GRID2: variants seen among roughly 807,000 people sequenced by gnomAD.
GRID2 encodes the protein glutamate receptor ionotropic, delta-2.
In GRID2, 33 loss-of-function variants were observed where a neutral mutation model predicts 114.8. That is an observed-to-expected ratio of 0.29 (90% confidence interval 0.22 to 0.38). The LOEUF (loss-of-function observed/expected upper bound fraction) is 0.38, where lower values mean the gene tolerates loss of function less well. GRID2 is among the 10% of genes least tolerant of loss of function. The pLI is 1.00. For synonymous variants in GRID2, 505 were observed against 449.9 expected, an observed-to-expected ratio of 1.12 and a Z score of -1.55; for missense variants, 1,184 against 1,257.7, an observed-to-expected ratio of 0.94 and a Z score of 0.89.
At chr4:93,488,489 G>A (rs958714071) in intron 11 of GRID2, among the ~76,000 whole-genome samples, 1 of 151,864 alleles carries the variant, frequency 6.6e-6, no homozygotes. Context: ...AAATATGCCT[G>A]ATATTATAGT....
chr4:92,356,865 T>C (rs1213812467), intron 1 of GRID2, among the ~76,000 whole-genome samples: 1 of 151,836 alleles, frequency 6.6e-6, no homozygotes, highest in Non-Finnish European at 1.5e-5. Flanking sequence ...GTATTTGTCT[T>C]GGGTCATACA....
intron 2 of GRID2, among the ~76,000 whole-genome samples, chr4:93,048,459 T>C (rs1253394557): frequency 3.3e-5 from 5 of 152,066 alleles, no homozygotes; most frequent in Non-Finnish European, 7.4e-5. Context: ...TCCCTCTCTG[T>C]GGGACTTCTG....
intron 2 of GRID2, among the ~76,000 whole-genome samples, chr4:92,810,275 A>G (rs1740607481): frequency 6.6e-6 from 1 of 151,560 alleles, no homozygotes; most frequent in Non-Finnish European, 1.5e-5. Flanking sequence ...CACGGAACCT[A>G]TCCTTAATTT....
chr4:93,539,796 A>T (rs1305067812), intron 13 of GRID2, among the ~76,000 whole-genome samples: 3 of 151,734 alleles, frequency 2.0e-5, no homozygotes, highest in Non-Finnish European at 4.4e-5. Flanking sequence ...AATATGTCTG[A>T]TGGGTTTTTT....
chr4:93,228,626 T>A (rs1745772657), intron 7 of GRID2, among the ~76,000 whole-genome samples: 1 of 152,138 alleles, frequency 6.6e-6, no homozygotes, highest in Non-Finnish European at 1.5e-5. Context: ...AATGAATAAG[T>A]CTAATCTAGC....
intron 2 of GRID2, among the ~76,000 whole-genome samples, chr4:92,989,276 C>CAAAAAAAA (rs1182397768): frequency 1.9e-4 from 14 of 74,294 alleles, no homozygotes; most frequent in East Asian, 8.8e-4. Context: ...GACTCCATCT[C>CAAAAAAAA]AAAAAAAAAA....
intron 1 of GRID2, among the ~76,000 whole-genome samples, chr4:92,377,335 C>G (rs1394728314): frequency 1.3e-5 from 2 of 152,120 alleles, no homozygotes; most frequent in Non-Finnish European, 2.9e-5. Flanking sequence ...CACCTTTCCT[C>G]CAGTTCCCAA....
At chr4:93,398,075 G>T (rs1386231157) in intron 9 of GRID2, among the ~76,000 whole-genome samples, 1 of 146,186 alleles carries the variant, frequency 6.8e-6, no homozygotes, top group Non-Finnish European at 1.5e-5. Context: ...GTAATATTCT[G>T]ATCTCAAGAG....
chr4:92,665,114 A>G (rs1440116851), intron 2 of GRID2, among the ~76,000 whole-genome samples: 1 of 149,546 alleles, frequency 6.7e-6, no homozygotes, highest in Non-Finnish European at 1.5e-5. Context: ...GATTTTTTGC[A>G]TTACTGTCTT....
At chr4:93,411,864 A>G (rs1269532402) in intron 9 of GRID2, among the ~76,000 whole-genome samples, 1 of 151,904 alleles carries the variant, frequency 6.6e-6, no homozygotes, top group African/African-American at 2.4e-5. Flanking sequence ...AACTGTTGAC[A>G]GTTTTATTTC....
chr4:92,797,379 G>C (rs1209947150), intron 2 of GRID2, among the ~76,000 whole-genome samples: 3 of 151,944 alleles, frequency 2.0e-5, no homozygotes, highest in Non-Finnish European at 4.4e-5. Flanking sequence ...AGCAATGGGA[G>C]TTGCCTATGA....
intron 13 of GRID2, among the ~76,000 whole-genome samples, chr4:93,577,806 T>A (rs1296241295): frequency 1.3e-5 from 2 of 152,224 alleles, no homozygotes; most frequent in Admixed American, 1.3e-4. Context: ...GTCAGCTTTC[T>A]GGAAAAGGCC....
intron 13 of GRID2, among the ~76,000 whole-genome samples, chr4:93,521,158 T>G (rs1312328195): frequency 6.6e-6 from 1 of 152,106 alleles, no homozygotes; most frequent in African/African-American, 2.4e-5. Flanking sequence ...GGGATGGAGT[T>G]GCCATTTATT....
intron 1 of GRID2, among the ~76,000 whole-genome samples, chr4:92,536,016 C>T (rs990517416): frequency 6.6e-6 from 1 of 152,120 alleles, no homozygotes; most frequent in African/African-American, 2.4e-5. Context: ...CTCATAAAGG[C>T]GTTGCAGACC....
At chr4:93,511,493 G>A (rs975516473) in intron 12 of GRID2, among the ~76,000 whole-genome samples, 6 of 152,086 alleles carry the variant, frequency 3.9e-5, no homozygotes, top group African/African-American at 1.4e-4. Flanking sequence ...TCTCAGTCAG[G>A]TGTCAAGAAG....
chr4:93,431,956 TAATA>T (rs950841819), intron 10 of GRID2, among the ~76,000 whole-genome samples: 40 of 152,310 alleles, frequency 2.6e-4, no homozygotes, highest in Admixed American at 7.8e-4. Flanking sequence ...TGTATGTTAA[TAATA>T]GATAGGCAAG....
chr4:93,573,993 A>G (rs189340677), intron 13 of GRID2, among the ~76,000 whole-genome samples: 1 of 152,288 alleles, frequency 6.6e-6, no homozygotes, highest in Admixed American at 6.5e-5. Context: ...GCAATAATTG[A>G]AGGGTAGATA....
At chr4:92,823,503 G>T (rs1350418794) in intron 2 of GRID2, among the ~76,000 whole-genome samples, 1 of 152,196 alleles carries the variant, frequency 6.6e-6, no homozygotes, top group East Asian at 1.9e-4. Context: ...AGATAGAAAG[G>T]TTGGAACCTG....
At chr4:93,045,041 T>C (rs966688849) in intron 2 of GRID2, among the ~76,000 whole-genome samples, 1 of 152,166 alleles carries the variant, frequency 6.6e-6, no homozygotes, top group Non-Finnish European at 1.5e-5. Flanking sequence ...CTCCCTGTGT[T>C]ATATTTTTGT....
Sources: allele counts gnomAD v4.1 joint callset (sites outside exome capture counted in the v4.1 genomes callset), GRCh38; gene constraint gnomAD v4.1.1; transcripts MANE v1.5; gene names NCBI Gene and HGNC (gene_info 2026-07-23, HGNC 2026-07-21).